DCDC1: variants seen among roughly 807,000 people sequenced by gnomAD.
DCDC1 encodes doublecortin domain containing 1.
A neutral mutation model predicts 178.3 loss-of-function variants in DCDC1; 200 were observed. The ratio of observed to expected loss-of-function variants is 1.12; its 90% CI spans 1.00 to 1.26. The LOEUF (loss-of-function observed/expected upper bound fraction) is 1.26. Ranked by LOEUF, DCDC1 falls within the 50% of genes most tolerant of loss-of-function variation. The pLI, the probability that DCDC1 is intolerant of heterozygous loss-of-function variation, is 0.00. For synonymous variants in DCDC1, 690 were observed against 604.8 expected, an observed-to-expected ratio of 1.14 and a Z score of -2.07; for missense variants, 1,983 against 1,749.2, an observed-to-expected ratio of 1.13 and a Z score of -2.38.
At chr11:31,197,020 C>G (rs1480195791) in intron 9 of DCDC1, among the ~76,000 whole-genome samples, 1 of 152,090 alleles carries the variant, frequency 6.6e-6, no homozygotes, top group Non-Finnish European at 1.5e-5. Context: ...AAAAGATGCT[C>G]CTATTACCCT....
intron 3 of DCDC1, among the ~76,000 whole-genome samples, chr11:31,313,266 G>C (rs1948872389): frequency 6.6e-6 from 1 of 152,042 alleles, no homozygotes; most frequent in South Asian, 2.1e-4. Flanking sequence ...GGTTATGCTA[G>C]CCATTACAAT....
chr11:31,223,527 C>T (rs529439763), intron 9 of DCDC1, among the ~76,000 whole-genome samples: 7 of 152,074 alleles, frequency 4.6e-5, no homozygotes, highest in Admixed American at 1.3e-4. Context: ...AATACATGCA[C>T]GTGAGTTTTA....
chr11:30,959,034 G>GATAAAGACTTCTCAAGGA (rs1202301841), intron 20 of DCDC1, among the ~76,000 whole-genome samples: 1 of 152,108 alleles, frequency 6.6e-6, no homozygotes, highest in African/African-American at 2.4e-5. Flanking sequence ...AAAGTCCTGG[G>GATAAAGACTTCTCAAGGA]TAAAGTAACT....
At chr11:30,918,834 A>T (rs770457331) in intron 25 of DCDC1, among the ~76,000 whole-genome samples, 1 of 152,142 alleles carries the variant, frequency 6.6e-6, no homozygotes, top group Non-Finnish European at 1.5e-5. Context: ...TCTGTGTTCC[A>T]AAAATCTTTT....
chr11:31,141,327 T>G (rs1438744448), intron 9 of DCDC1, among the ~76,000 whole-genome samples: 1 of 152,202 alleles, frequency 6.6e-6, no homozygotes, highest in East Asian at 1.9e-4. Flanking sequence ...TCTACCTAAT[T>G]CATATTGACA....
At chr11:31,243,761 A>T (rs1271831403) in intron 8 of DCDC1, among the ~76,000 whole-genome samples, 1 of 151,846 alleles carries the variant, frequency 6.6e-6, no homozygotes, top group African/African-American at 2.4e-5. Flanking sequence ...GTAATTAGGA[A>T]TACTATGGAA....
chr11:30,871,951 T>A (rs1245947840), intron 38 of DCDC1, among the ~76,000 whole-genome samples: 1 of 152,008 alleles, frequency 6.6e-6, no homozygotes, highest in Admixed American at 6.6e-5. Context: ...CATACATATA[T>A]ATACATTGCA....
chr11:31,056,955 G>A (rs1219224990), intron 20 of DCDC1, among the ~76,000 whole-genome samples: 1 of 151,966 alleles, frequency 6.6e-6, no homozygotes, highest in Admixed American at 6.6e-5. Context: ...TTTCAGGCTG[G>A]GCACGGTGGT....
chr11:31,095,540 A>G (rs1958095937), intron 15 of DCDC1, among the ~76,000 whole-genome samples: 1 of 152,238 alleles, frequency 6.6e-6, no homozygotes, highest in Non-Finnish European at 1.5e-5. Context: ...AACAGATTGT[A>G]GAATGAAGAC....
At chr11:31,028,666 T>G (rs905547802) in intron 20 of DCDC1, among the ~76,000 whole-genome samples, 2 of 152,002 alleles carry the variant, frequency 1.3e-5, no homozygotes, top group Non-Finnish European at 2.9e-5. Context: ...ATAAACCTAT[T>G]TGATGTTTTT....
At chr11:30,987,416 T>C (rs1457924913) in intron 20 of DCDC1, among the ~76,000 whole-genome samples, 2 of 152,180 alleles carry the variant, frequency 1.3e-5, no homozygotes, top group African/African-American at 4.8e-5. Flanking sequence ...TTCTGGGCAC[T>C]TGGGATACAG....
At chr11:31,112,357 A>C (rs1959191781) in intron 11 of DCDC1, among the ~76,000 whole-genome samples, 1 of 152,190 alleles carries the variant, frequency 6.6e-6, no homozygotes, top group Admixed American at 6.6e-5. Flanking sequence ...TTAAACAAAG[A>C]TAGCTTTCTA....
chr11:31,113,648 C>T (rs985167383), intron 11 of DCDC1, among the ~76,000 whole-genome samples: 7 of 152,074 alleles, frequency 4.6e-5, no homozygotes, highest in African/African-American at 1.7e-4. Flanking sequence ...CATAGTATTC[C>T]ATGGTGTATA....
intron 7 of DCDC1, among the ~76,000 whole-genome samples, chr11:31,276,991 T>C (rs982608967): frequency 3.3e-5 from 5 of 152,176 alleles, no homozygotes; most frequent in African/African-American, 1.2e-4. Context: ...TGATTTATAA[T>C]GTACATGAAA....
intron 20 of DCDC1, among the ~76,000 whole-genome samples, chr11:31,018,205 A>C (rs1463456084): frequency 6.6e-6 from 1 of 152,244 alleles, no homozygotes; most frequent in Non-Finnish European, 1.5e-5. Context: ...TAGGTTAACA[A>C]ATGTTTAATG....
At chr11:31,031,600 A>G (rs893271406) in intron 20 of DCDC1, among the ~76,000 whole-genome samples, 2 of 152,112 alleles carry the variant, frequency 1.3e-5, no homozygotes, top group Non-Finnish European at 2.9e-5. Flanking sequence ...CACTTATTGT[A>G]TAAGACAAAT....
At chr11:31,005,168 A>G (rs1951770409) in intron 20 of DCDC1, among the ~76,000 whole-genome samples, 1 of 152,214 alleles carries the variant, frequency 6.6e-6, no homozygotes, top group Admixed American at 6.5e-5. Context: ...GTCCTCTACA[A>G]TGAAATCTTC....
intron 21 of DCDC1, chr11:30,943,435 G>T: frequency 3.6e-6 from 1 of 280,234 alleles, no homozygotes; most frequent in South Asian, 3.5e-5. Context: ...GCTTTGTTCT[G>T]TCTGGCATGG....
chr11:31,001,772 C>T (rs1951595122), intron 20 of DCDC1, among the ~76,000 whole-genome samples: 1 of 152,188 alleles, frequency 6.6e-6, no homozygotes, highest in African/African-American at 2.4e-5. Context: ...TTCCTATCTT[C>T]CCCTTTAAAA....
Sources: allele counts gnomAD v4.1 joint callset (sites outside exome capture counted in the v4.1 genomes callset), GRCh38; gene constraint gnomAD v4.1.1; transcripts MANE v1.5; gene names NCBI Gene and HGNC (gene_info 2026-07-23, HGNC 2026-07-21).